Variants in ATP2B2 observed in about 807,000 individuals in gnomAD.
The protein encoded by ATP2B2 is plasma membrane calcium-transporting ATPase 2.
Under a neutral mutation model 120.0 loss-of-function variants are expected in ATP2B2, and 15 were observed. The ratio of observed to expected loss-of-function variants is 0.12; its 90% CI spans 0.08 to 0.19. The LOEUF is 0.19. ATP2B2 is among the 10% of genes least tolerant of loss of function. ATP2B2 has a pLI of 1.00. For synonymous variants in ATP2B2, 694 were observed against 700.3 expected (o/e 0.99, Z 0.14); for missense variants, 1,045 against 1,719.8 (o/e 0.61, Z 6.94).
At chr3:10,597,218 C>T (rs2068791410) in intron 2 of ATP2B2, among the ~76,000 whole-genome samples, 1 of 150,750 alleles carries the variant, frequency 6.6e-6, no homozygotes, top group African/African-American at 2.4e-5. Flanking sequence ...GGAACCTAGG[C>T]ACACACACAC....
At chr3:10,506,413 G>A (rs977461987), upstream of ATP2B2, among the ~76,000 whole-genome samples, 5 of 152,168 alleles carry the variant, frequency 3.3e-5, no homozygotes, top group Non-Finnish European at 5.9e-5. Flanking sequence ...CAGGCCGACT[G>A]TGGGCTGACT....
chr3:10,557,736 C>T (rs1180703615), intron 2 of ATP2B2, among the ~76,000 whole-genome samples: 5 of 152,212 alleles, frequency 3.3e-5, no homozygotes, highest in East Asian at 1.9e-4. Flanking sequence ...TTTTATCTTT[C>T]ACCCACTGTC....
chr3:10,425,953 C>T (rs1012981416), intron 2 of ATP2B2, among the ~76,000 whole-genome samples: 1 of 152,148 alleles, frequency 6.6e-6, no homozygotes, highest in African/African-American at 2.4e-5. Flanking sequence ...AGAGAAAATC[C>T]ATTAGAGAAG....
intron 2 of ATP2B2, among the ~76,000 whole-genome samples, chr3:10,586,276 G>A (rs143927336): frequency 7.6e-4 from 115 of 152,260 alleles, no homozygotes; most frequent in Non-Finnish European, 1.5e-3. Context: ...GATGAGAGAA[G>A]GATGCTGGGA....
chr3:10,677,094 C>G (rs948786490), intron 1 of ATP2B2, among the ~76,000 whole-genome samples: 15 of 152,224 alleles, frequency 9.9e-5, no homozygotes, highest in African/African-American at 3.6e-4. Flanking sequence ...CTTATGTCCA[C>G]ACAAAGTTCT....
At chr3:10,418,852 C>T (rs539615997) in intron 2 of ATP2B2, among the ~76,000 whole-genome samples, 10 of 152,198 alleles carry the variant, frequency 6.6e-5, no homozygotes, top group African/African-American at 1.7e-4. Context: ...CCCAGGCCAC[C>T]GGGGTAGCAG....
intron 1 of ATP2B2, among the ~76,000 whole-genome samples, chr3:10,686,836 G>A (rs1209103991): frequency 6.6e-6 from 1 of 152,214 alleles, no homozygotes; most frequent in African/African-American, 2.4e-5. Flanking sequence ...GATGAAGTGA[G>A]CCTTGATTCC....
intron 1 of ATP2B2, among the ~76,000 whole-genome samples, chr3:10,706,097 G>T (rs1232120450): frequency 6.6e-6 from 1 of 152,220 alleles, no homozygotes; most frequent in Non-Finnish European, 1.5e-5. Flanking sequence ...GTAGGAGCTT[G>T]ATTTCCGCTA....
intron 1 of ATP2B2, among the ~76,000 whole-genome samples, chr3:10,657,557 C>A (rs545712088): frequency 8.5e-5 from 13 of 152,306 alleles, no homozygotes; most frequent in African/African-American, 2.9e-4. Context: ...GGGAGGGGGG[C>A]CTGCCATTGC....
intron 22 of ATP2B2, among the ~76,000 whole-genome samples, chr3:10,330,579 G>A (rs558792608): frequency 9.8e-5 from 15 of 152,352 alleles, no homozygotes; most frequent in African/African-American, 2.6e-4. Flanking sequence ...AGCCTTAGTC[G>A]GCTGCTGTGT....
intron 3 of ATP2B2, among the ~76,000 whole-genome samples, chr3:10,517,333 G>A (rs974243432): frequency 6.6e-5 from 10 of 152,208 alleles, no homozygotes; most frequent in African/African-American, 1.7e-4. Flanking sequence ...GAGGGAGGTG[G>A]TGGTGGAGCA....
chr3:10,421,332 G>A (rs1023206209), intron 2 of ATP2B2, among the ~76,000 whole-genome samples: 5 of 152,140 alleles, frequency 3.3e-5, no homozygotes, highest in South Asian at 2.1e-4. Context: ...TTCTTCTGTA[G>A]GGGCTGCCAG....
At chr3:10,399,940 C>T (rs67116852) in intron 5 of ATP2B2, among the ~76,000 whole-genome samples, 16,724 of 152,258 alleles carry the variant, frequency 0.11, 1,065 homozygotes, top group East Asian at 0.28. Flanking sequence ...AGGCCTGAAT[C>T]CCCAAGGACA....
chr3:10,523,069 T>C (rs1331271453), intron 3 of ATP2B2, among the ~76,000 whole-genome samples: 1 of 152,026 alleles, frequency 6.6e-6, no homozygotes. Flanking sequence ...AGGCCAAGAG[T>C]GAAAGGCTCT....
At chr3:10,543,975 G>A (rs1385202682) in intron 2 of ATP2B2, among the ~76,000 whole-genome samples, 2 of 152,168 alleles carry the variant, frequency 1.3e-5, no homozygotes, top group Non-Finnish European at 2.9e-5. Context: ...CTGACCTCAG[G>A]TGATCCGCTT....
intron 1 of ATP2B2, among the ~76,000 whole-genome samples, chr3:10,471,784 A>T (rs1334637384): frequency 6.6e-6 from 1 of 151,758 alleles, no homozygotes; most frequent in Non-Finnish European, 1.5e-5. Context: ...TCATTAATTT[A>T]AAAAAATTAA....
intron 2 of ATP2B2, among the ~76,000 whole-genome samples, chr3:10,601,875 C>A (rs1297197911): frequency 1.3e-5 from 2 of 152,212 alleles, no homozygotes; most frequent in Non-Finnish European, 2.9e-5. Context: ...CAGCCATGGC[C>A]CTCCTCCCTA....
intron 2 of ATP2B2, among the ~76,000 whole-genome samples, chr3:10,558,750 GA>G (rs2067835257): frequency 6.6e-6 from 1 of 150,450 alleles, no homozygotes; most frequent in Non-Finnish European, 1.5e-5. Flanking sequence ...AGCCTTTTTG[GA>G]ACAAGAAAGA....
At position 10,449,881 on chromosome 3, in the gene ATP2B2, G is replaced by C; in HGVS notation, c.-319-19C>G. On this transcript the variant is annotated intron_variant, in intron 1 of 22. Coordinates refer to ENST00000360273, the MANE Select transcript of ATP2B2 (RefSeq NM_001001331.4). ...GTGGCTCCTGTGGGACAAGCACAGA[G>C]TGAGTGACAAAGGCCAGGCACTGGA... The C allele has an allele frequency of 2.5e-6, 1 of 401,620 alleles. No individual in the cohort carries two copies. Among genetic ancestry groups the C allele is most frequent in the Non-Finnish European group, 4.7e-6 (1 of 211,554 alleles). The allele number at this position is 401,620 out of a possible 1,614,324, so 24.9% of individuals were successfully genotyped here. A position where few individuals can be genotyped will look rare whatever the true frequency, so the allele number is the denominator to read the frequency against.
Sources: allele counts gnomAD v4.1 joint callset (sites outside exome capture counted in the v4.1 genomes callset), GRCh38; gene constraint gnomAD v4.1.1; transcripts MANE v1.5; gene names NCBI Gene and HGNC (gene_info 2026-07-23, HGNC 2026-07-21).